C2orf92: variants seen among roughly 807,000 people sequenced by gnomAD.
The protein encoded by C2orf92 is chromosome 2 open reading frame 92.
chr2:97,671,833 C>A lies in C2orf92; in HGVS notation c.46+1999C>A, dbSNP rs1288948872. The A allele has an allele frequency of 1.2e-5, 3 of 241,742 alleles. No homozygotes were observed. In the Admixed American group the frequency reaches 1.7e-4, roughly 14 times the overall value. The allele number at this position is 241,742 out of a possible 1,614,324, so 15.0% of individuals were successfully genotyped here. ...CCGAGCTGAACCTCCTCCAGGGGTT[C>A]TCAGCCCTAACTGAGCATGAAAACC... On this transcript the variant is annotated intron_variant, in intron 1 of 7. Coordinates refer to ENST00000627399, the MANE Select transcript of C2orf92 (RefSeq NM_001351368.2).
chr2:97,698,657 G>A (rs1292048295), intron 5 of C2orf92, among the ~76,000 whole-genome samples: 3 of 152,070 alleles, frequency 2.0e-5, no homozygotes, highest in South Asian at 2.1e-4. Context: ...CAGAAGCAGC[G>A]TCTTTCAGGA....
At chr2:97,695,117 T>C (rs936620324) in intron 5 of C2orf92, among the ~76,000 whole-genome samples, 1 of 152,254 alleles carries the variant, frequency 6.6e-6, no homozygotes, top group Non-Finnish European at 1.5e-5. Flanking sequence ...TACCTTTTTA[T>C]TCTGTTGACA....
At chr2:97,672,917 A>G (rs370866648) in intron 1 of C2orf92, among the ~76,000 whole-genome samples, 14 of 152,152 alleles carry the variant, frequency 9.2e-5, no homozygotes, top group East Asian at 5.8e-4. Context: ...CTTTGTGAGG[A>G]CTGTTTTCTG....
rs1489784865 is a variant in C2orf92, at chr2:97,686,987, C to G, written c.233-1908C>G. 2.6e-5 allele frequency among the ~76,000 whole-genome samples: 4 copies of G among 152,026 alleles called. No homozygotes were observed. In the East Asian group the frequency reaches 5.8e-4, roughly 22 times the overall value. The stretch of plus-strand genomic sequence containing the variant: ...GAGCTGAGACTGCACCACTGCACTC[C>G]AGCCTGGAGTTCTGGAAATAAACAG... On this transcript the variant is annotated intron_variant, in intron 3 of 7. Transcript: ENST00000627399.
intron 5 of C2orf92, 59 bp downstream of exon 5, chr2:97,690,386 C>CTTT: frequency 1.8e-5 from 6 of 336,628 alleles, no homozygotes; most frequent in African/African-American, 2.2e-5. Flanking sequence ...TCTTTTTCCT[C>CTTT]TTTTTTTTTT....
At chr2:97,669,944 T>G in intron 1 of C2orf92, 110 bp downstream of exon 1, 1 of 397,560 alleles carries the variant, frequency 2.5e-6, no homozygotes, top group Non-Finnish European at 4.4e-6. Flanking sequence ...CTTTACCTAC[T>G]CTACCTTCTA....
At chr2:97,667,555 C>G (rs935536025), upstream of C2orf92, among the ~76,000 whole-genome samples, 1 of 151,666 alleles carries the variant, frequency 6.6e-6, no homozygotes, top group Non-Finnish European at 1.5e-5. Flanking sequence ...GCCTCAGCCT[C>G]CCGAGTAGCT....
chr2:97,667,630 C>T (rs1309870776), upstream of C2orf92, among the ~76,000 whole-genome samples: 5 of 151,920 alleles, frequency 3.3e-5, no homozygotes, highest in Non-Finnish European at 7.4e-5. Context: ...GATGGGGTTT[C>T]ACCGTGTTAG....
chr2:97,685,747 G>A (rs747364597), intron 3 of C2orf92, among the ~76,000 whole-genome samples: 22 of 152,096 alleles, frequency 1.4e-4, no homozygotes, highest in South Asian at 2.1e-4. Flanking sequence ...ATTTTTAGTA[G>A]AGATGGGGTT....
chr2:97,701,741 C>T (rs1329265754), intron 7 of C2orf92, among the ~76,000 whole-genome samples: 1 of 152,216 alleles, frequency 6.6e-6, no homozygotes, highest in African/African-American at 2.4e-5. Context: ...AGCTGTCCTG[C>T]TTGTTAGAAT....
At chr2:97,680,898 C>G (rs1445959178) in intron 3 of C2orf92, among the ~76,000 whole-genome samples, 1 of 151,904 alleles carries the variant, frequency 6.6e-6, no homozygotes, top group Non-Finnish European at 1.5e-5. Flanking sequence ...TGCACTCCAG[C>G]CTGGGAGACA....
upstream of C2orf92, among the ~76,000 whole-genome samples, chr2:97,666,529 CAAAAAAAAAAA>C (rs34223345): frequency 1.4e-5 from 1 of 70,402 alleles, no homozygotes; most frequent in Non-Finnish European, 2.5e-5. Flanking sequence ...GACTCCGTCT[CAAAAAAAAAAA>C]AAAAAAAAAA....
intron 4 of C2orf92, among the ~76,000 whole-genome samples, chr2:97,689,868 C>T (rs1379302761): frequency 3.3e-5 from 5 of 152,194 alleles, no homozygotes; most frequent in Non-Finnish European, 7.3e-5. Flanking sequence ...GTGGCTCACA[C>T]CTGTAATCCC....
intron 1 of C2orf92, chr2:97,672,222 T>TC (rs1367156539): frequency 2.7e-5 from 4 of 150,432 alleles, no homozygotes; most frequent in African/African-American, 7.3e-5. Flanking sequence ...CGCTGATGCT[T>TC]CCCCCCGGGT....
chr2:97,680,980 G>A (rs1424781508), intron 3 of C2orf92, among the ~76,000 whole-genome samples: 5 of 149,518 alleles, frequency 3.3e-5, no homozygotes, highest in Non-Finnish European at 5.9e-5. Context: ...GGTGGCATGC[G>A]CCTATAGTCC....
chr2:97,692,923 C>A (rs1676185674), intron 5 of C2orf92, among the ~76,000 whole-genome samples: 1 of 148,212 alleles, frequency 6.7e-6, no homozygotes, highest in African/African-American at 2.5e-5. Context: ...GTATATCTAG[C>A]CTTCCATCTA....
chr2:97,674,621 T>C (rs1025365141), intron 2 of C2orf92, 64 bp downstream of exon 2: 2 of 397,898 alleles, frequency 5.0e-6, no homozygotes, highest in African/African-American at 4.1e-5. Flanking sequence ...TTATCTCAAA[T>C]ATGCGATGCT....
At chr2:97,700,970 A>G (rs1676475823) in intron 6 of C2orf92, among the ~76,000 whole-genome samples, 184 bp from the exon 7 acceptor site, 1 of 151,984 alleles carries the variant, frequency 6.6e-6, no homozygotes, top group Non-Finnish European at 1.5e-5. Context: ...TGACCTCGTG[A>G]TCCGCCCGCC....
At chr2:97,666,906 T>A (rs1344658407), upstream of C2orf92, 1 of 149,104 alleles carries the variant, frequency 6.7e-6, no homozygotes, top group African/African-American at 2.5e-5. Flanking sequence ...TCTCCTAGGC[T>A]CCTGTTTTCC....
Sources: allele counts gnomAD v4.1 joint callset (sites outside exome capture counted in the v4.1 genomes callset), GRCh38; gene constraint gnomAD v4.1.1; transcripts MANE v1.5; gene names NCBI Gene and HGNC (gene_info 2026-07-23, HGNC 2026-07-21).